CREBBP: variants seen among roughly 807,000 people sequenced by gnomAD.
CREBBP encodes CREB-binding protein.
Under a neutral mutation model 265.0 loss-of-function variants are expected in CREBBP, and 19 were observed. The observed-to-expected ratio is 0.07, with a 90% CI of 0.05 to 0.11. CREBBP has a LOEUF of 0.11. Among genes scored for constraint, CREBBP ranks in the 10% least tolerant of loss-of-function variants. The pLI is 1.00. For missense variants in CREBBP, 2,525 were observed against 3,219.0 expected, an observed-to-expected ratio of 0.78 and a Z score of 5.22; for synonymous variants, 1,457 against 1,223.7, an observed-to-expected ratio of 1.19 and a Z score of -3.98.
intron 2 of CREBBP, among the ~76,000 whole-genome samples, chr16:3,817,590 C>T (rs2054063453): frequency 1.3e-5 from 2 of 152,112 alleles, no homozygotes; most frequent in Non-Finnish European, 2.9e-5. Context: ...AAGTCAAGTC[C>T]TTCAATATCA....
At chr16:3,826,419 GC>G (rs2054238370) in intron 2 of CREBBP, among the ~76,000 whole-genome samples, 1 of 152,112 alleles carries the variant, frequency 6.6e-6, no homozygotes, top group African/African-American at 2.4e-5. Context: ...AAAGAGGATG[GC>G]ATGGAGGAGG....
At chr16:3,813,529 C>T (rs939011356) in intron 2 of CREBBP, among the ~76,000 whole-genome samples, 2 of 152,186 alleles carry the variant, frequency 1.3e-5, no homozygotes, top group African/African-American at 2.4e-5. Flanking sequence ...TTACATATAA[C>T]CAAACCGCTG....
intron 28 of CREBBP, 61 bp downstream of exon 28, chr16:3,735,975 C>T (rs1432880541): frequency 2.5e-6 from 4 of 1,613,748 alleles, no homozygotes; most frequent in Middle Eastern, 3.3e-4. Flanking sequence ...CGCCTCCCAG[C>T]CTGCCACCCT....
Position 3,810,664 on chromosome 16 carries a change from T to A in CREBBP, c.914A>T (p.Asn305Ile). ...ATCTGTAGGGAAGGTGGGCAAACTG[T>A]TGACCATGCTCTGTTTGCTGGCTAA... ...PQLASKQSMVNSLPTFPTDIK... is the reference protein window; with the variant it reads ...PQLASKQSMVISLPTFPTDIK... The change falls in exon 3 of 31, where the codon AAC (asparagine) becomes ATC (isoleucine). Residue 305 changes from asparagine to isoleucine, a missense_variant. Around this residue, in one of 19 missense-constraint regions of CREBBP, gnomAD observed 126 missense variants for 171.9 expected, o/e 0.73. Coordinates refer to ENST00000262367, the MANE Select transcript of CREBBP (RefSeq NM_004380.3). 1 of 1,613,924 alleles carries A rather than the reference T, an allele frequency of 6.2e-7. No homozygotes were observed. The highest frequency in any genetic ancestry group is 8.5e-7 in the Non-Finnish European group (1 of 1,180,002).
rs1567360257 is a variant in CREBBP, at chr16:3,849,432, T to TGTG, written c.798+862_798+864dup. On this transcript the variant is annotated intron_variant, in intron 2 of 30. Transcript: ENST00000262367. Reference sequence around the variant, plus strand: ...GTGTGTGTGTGTGTGTGTGTGTGTGTGTGTGTGTGTGTGTGTGTGTGTGTG... The same window carrying TGTG: ...GTGTGTGTGTGTGTGTGTGTGTGTGTGTGGTGTGTGTGTGTGTGTGTGTGTGTG... 2.3e-3 allele frequency among the ~76,000 whole-genome samples: 21 copies of TGTG among 9,088 alleles called. 1 individual carries two copies. Among genetic ancestry groups the TGTG allele is most frequent in the Admixed American group, 0.012 (8 of 676 alleles). The allele number at this position is 9,088 out of a possible 152,430, so 6.0% of individuals were successfully genotyped here. A position where few individuals can be genotyped will look rare whatever the true frequency, so the allele number is the denominator to read the frequency against.
At chr16:3,876,103 A>T (rs1374196762) in intron 1 of CREBBP, among the ~76,000 whole-genome samples, 1 of 152,058 alleles carries the variant, frequency 6.6e-6, no homozygotes, top group African/African-American at 2.4e-5. Flanking sequence ...CAGTGGCATG[A>T]TCACAGCTCA....
rs2053515713 is a variant in CREBBP at position 3,791,865 on chromosome 16, T to G, written c.1330+116A>C. On this transcript the variant is annotated intron_variant, in intron 5 of 30. Coordinates refer to ENST00000262367, the MANE Select transcript of CREBBP (RefSeq NM_004380.3). ...ACCTTGGGCTGCTGTCCGCCCTACC[T>G]CACCCTGCACTCCATGGCTCATAAC... 3.3e-6 allele frequency: 3 copies of G among 909,678 alleles called. No homozygotes were observed. In the African/African-American group the frequency reaches 4.9e-5, roughly 15 times the overall value. 56.4% of individuals were successfully genotyped at this position (909,678 alleles called of 1,614,324 possible). A position where few individuals can be genotyped will look rare whatever the true frequency, so the allele number is the denominator to read the frequency against.
At position 3,780,856 on chromosome 16, in the gene CREBBP, T is replaced by C. The variant is rs779416739; in HGVS notation, c.1699A>G (p.Asn567Asp). 3.1e-6 allele frequency: 5 copies of C among 1,613,648 alleles called. No homozygotes were observed. The highest frequency in any genetic ancestry group is 4.2e-6 in the Non-Finnish European group (5 of 1,180,030). Residue 567 changes from asparagine (N) to aspartate (D), a missense_variant, in exon 8 of 31, where the codon AAC becomes GAC. By Grantham distance (23) the Asn-to-Asp change is conservative. This residue lies in a region of CREBBP where 144 missense variants were observed against 134.0 expected (regional missense o/e 1.07). Coordinates refer to ENST00000262367, the MANE Select transcript of CREBBP (RefSeq NM_004380.3). ...ATNPLMNDGS[N>D]SGNIGTLSTI... ...CTGAGGGTTCCAATGTTACCAGAGT[T>C]GGAGCCATCGTTCATCAGTGGGCTA...
At chr16:3,760,717 C>G (rs190167573) in intron 16 of CREBBP, among the ~76,000 whole-genome samples, 1 of 151,464 alleles carries the variant, frequency 6.6e-6, no homozygotes, top group Admixed American at 6.6e-5. Context: ...ATGCCCATCT[C>G]ATTTTATATT....
intron 23 of CREBBP, chr16:3,742,312 C>T: frequency 6.6e-6 from 1 of 152,368 alleles, no homozygotes. Flanking sequence ...CTCGATTTGG[C>T]CACTGTTCCT....
chr16:3,849,427 GTGTGTGTGTGTGTGTGTGT>G (rs1567360125), intron 2 of CREBBP, among the ~76,000 whole-genome samples: 379 of 16,366 alleles, frequency 0.023, 9 homozygotes, highest in South Asian at 0.065. Context: ...GTGTGTGTGT[GTGTGTGTGTGTGTGTGTGT>G]GTGTGTGTGT....
At chr16:3,811,800 G>A (rs751789345) in intron 2 of CREBBP, among the ~76,000 whole-genome samples, 6 of 151,956 alleles carry the variant, frequency 3.9e-5, no homozygotes, top group Non-Finnish European at 5.9e-5. Context: ...GGCCCCTTAC[G>A]GTTTTCCTAA....
chr16:3,788,733 C>T (rs567775501), intron 5 of CREBBP, among the ~76,000 whole-genome samples: 1 of 152,332 alleles, frequency 6.6e-6, no homozygotes, highest in South Asian at 2.1e-4. Flanking sequence ...GGGAAGATCA[C>T]TTGAGCTCAG....
intron 1 of CREBBP, among the ~76,000 whole-genome samples, chr16:3,860,164 G>A (rs1177619040): frequency 6.6e-6 from 1 of 152,132 alleles, no homozygotes; most frequent in Non-Finnish European, 1.5e-5. Context: ...TCCCAGAGGT[G>A]TTCTGTGTCG....
intron 2 of CREBBP, among the ~76,000 whole-genome samples, chr16:3,832,556 T>C (rs1487108659): frequency 3.3e-5 from 5 of 152,216 alleles, no homozygotes; most frequent in African/African-American, 9.7e-5. Flanking sequence ...CTGTATGGTA[T>C]AGCCCACTGC....
chr16:3,788,097 C>T (rs1051305230), intron 5 of CREBBP, among the ~76,000 whole-genome samples: 1 of 152,142 alleles, frequency 6.6e-6, no homozygotes, highest in Non-Finnish European at 1.5e-5. Flanking sequence ...CTGACGCAGC[C>T]GGGACAGTGC....
chr16:3,786,065 G>A (rs1421911017), intron 5 of CREBBP, among the ~76,000 whole-genome samples: 3 of 152,188 alleles, frequency 2.0e-5, no homozygotes, highest in South Asian at 2.1e-4. Flanking sequence ...CTAAGAGGCC[G>A]GGTACGGCCA....
intron 2 of CREBBP, among the ~76,000 whole-genome samples, chr16:3,827,081 G>A (rs1250266479): frequency 2.0e-5 from 3 of 151,976 alleles, no homozygotes; most frequent in African/African-American, 7.3e-5. Flanking sequence ...CTTAAACCCA[G>A]GAATTCAAGG....
At chr16:3,807,182 T>A (rs1173761787) in intron 3 of CREBBP, among the ~76,000 whole-genome samples, 1 of 152,174 alleles carries the variant, frequency 6.6e-6, no homozygotes, top group African/African-American at 2.4e-5. Context: ...ATTAATTGAA[T>A]GATCATATCC....
Sources: gnomAD v4.1 joint callset for allele counts (sites outside exome capture counted in the v4.1 genomes callset) on GRCh38, gnomAD v4.1.1 for gene constraint, gnomAD v4.1.1 regional missense constraint, MANE v1.5 for transcripts, NCBI Gene and HGNC (gene_info 2026-07-23, HGNC 2026-07-21) for gene names.